Variants in EYA2 observed in about 807,000 individuals in gnomAD.
The protein encoded by EYA2 is EYA transcriptional coactivator and phosphatase 2, also known as protein phosphatase EYA2.
In EYA2, 31 loss-of-function variants were observed where a neutral mutation model predicts 69.2. The ratio of observed to expected loss-of-function variants is 0.45; its 90% confidence interval spans 0.34 to 0.60. The LOEUF is 0.60. Ranked by LOEUF, EYA2 falls within the 20% of genes least tolerant of loss-of-function variation. EYA2 has a pLI of 0.02. For missense variants in EYA2, 622 were observed against 701.2 expected (o/e 0.89, Z 1.28); for synonymous variants, 257 against 279.4 (o/e 0.92, Z 0.80).
chr20:47,071,074 G>A lies in EYA2; in HGVS notation c.416-1111G>A, dbSNP rs185475091. ...CCCAGAGCTGGAGTGCAGTGGCACA[G>A]TCTTGGCTCGCTGCTACCTCCGCCT... On this transcript the variant is annotated intron_variant, in intron 5 of 15. Transcript: ENST00000327619. Among the ~76,000 whole-genome samples, 421 of 152,072 alleles carry A rather than the reference G, an allele frequency of 2.8e-3. 1 individual carries two copies. The highest frequency in any genetic ancestry group is 9.5e-3 in the African/African-American group (396 of 41,476).
At chr20:47,082,817 A>G (rs931008515) in intron 7 of EYA2, among the ~76,000 whole-genome samples, 1 of 152,238 alleles carries the variant, frequency 6.6e-6, no homozygotes, top group Non-Finnish European at 1.5e-5. Context: ...CCTGATTTTA[A>G]AATCCATTTT....
At chr20:46,986,448 GTA>G (rs1027616182) in intron 1 of EYA2, among the ~76,000 whole-genome samples, 22 of 17,900 alleles carry the variant, frequency 1.2e-3, no homozygotes, top group African/African-American at 1.8e-3. Flanking sequence ...TATCTAATGT[GTA>G]TATATATACA....
intron 2 of EYA2, among the ~76,000 whole-genome samples, chr20:46,994,847 G>A (rs924441736): frequency 6.6e-6 from 1 of 151,874 alleles, no homozygotes; most frequent in African/African-American, 2.4e-5. Context: ...TCATAGTCTC[G>A]AGCCACTTTC....
At chr20:46,951,365 A>G (rs1286392569) in intron 1 of EYA2, among the ~76,000 whole-genome samples, 1 of 152,100 alleles carries the variant, frequency 6.6e-6, no homozygotes, top group Admixed American at 6.5e-5. Context: ...AGCTTATCCT[A>G]GCGTCTGTGC....
At chr20:47,161,978 G>A (rs527446008) in intron 10 of EYA2, among the ~76,000 whole-genome samples, 2 of 152,266 alleles carry the variant, frequency 1.3e-5, no homozygotes, top group East Asian at 3.9e-4. Flanking sequence ...TTCATGAGAC[G>A]AGAAGTCCAA....
chr20:47,171,830 G>A (rs919794256), intron 11 of EYA2, among the ~76,000 whole-genome samples: 11 of 152,140 alleles, frequency 7.2e-5, no homozygotes, highest in African/African-American at 2.4e-4. Context: ...AGTGGCTCAC[G>A]CCTGTAATCC....
intron 5 of EYA2, among the ~76,000 whole-genome samples, chr20:47,038,115 TG>T (rs370624083): frequency 8.0e-4 from 122 of 152,260 alleles, no homozygotes; most frequent in African/African-American, 2.9e-3. Flanking sequence ...GTGTTTCTGA[TG>T]GTGATGGATT....
At chr20:46,950,753 G>A (rs1978746316) in intron 1 of EYA2, among the ~76,000 whole-genome samples, 2 of 152,218 alleles carry the variant, frequency 1.3e-5, no homozygotes, top group Non-Finnish European at 2.9e-5. Flanking sequence ...CTTTATGTGT[G>A]TTGAGAGGCA....
intron 8 of EYA2, 52 bp from the exon 9 acceptor site, chr20:47,097,033 C>A: frequency 1.5e-6 from 2 of 1,306,724 alleles, no homozygotes; most frequent in South Asian, 1.2e-5. Context: ...GACATTAAGT[C>A]AGATGCACGT....
At chr20:47,030,537 G>GGA (rs3085559) in intron 5 of EYA2, among the ~76,000 whole-genome samples, 100,043 of 151,940 alleles carry the variant, frequency 0.66, 35,481 homozygotes, top group Non-Finnish European at 0.8. Flanking sequence ...TATATCCCAG[G>GGA]GAGGATACAG....
At chr20:47,089,540 T>C (rs949481) in intron 8 of EYA2, among the ~76,000 whole-genome samples, 159 bp downstream of exon 8, 135,845 of 152,232 alleles carry the variant, frequency 0.89, 61,699 homozygotes, top group Non-Finnish European at 0.98. Flanking sequence ...AAGCAGGTAG[T>C]CCTGGGGCCA....
At chr20:47,033,039 G>T (rs986887242) in intron 5 of EYA2, among the ~76,000 whole-genome samples, 10 of 152,136 alleles carry the variant, frequency 6.6e-5, no homozygotes, top group Non-Finnish European at 1.2e-4. Context: ...TGCTACTCCA[G>T]CCCTAAACTG....
At chr20:47,123,916 C>G (rs2146563492) in intron 9 of EYA2, among the ~76,000 whole-genome samples, 1 of 150,948 alleles carries the variant, frequency 6.6e-6, no homozygotes, top group East Asian at 2.0e-4. Context: ...CACTTGAACC[C>G]AAGAGGCAGA....
At chr20:46,947,972 C>G (rs531687280) in intron 1 of EYA2, among the ~76,000 whole-genome samples, 12 of 152,030 alleles carry the variant, frequency 7.9e-5, no homozygotes, top group Admixed American at 5.2e-4. Context: ...TTAAAACTAG[C>G]CTTGCATGGT....
At chr20:47,051,844 T>C (rs113149432) in intron 5 of EYA2, among the ~76,000 whole-genome samples, 84 of 152,158 alleles carry the variant, frequency 5.5e-4, no homozygotes, top group African/African-American at 1.9e-3. Flanking sequence ...GACCTTGCTC[T>C]GTTGTTTTCC....
chr20:46,939,799 A>G (rs1242236140), intron 1 of EYA2, among the ~76,000 whole-genome samples: 1 of 152,214 alleles, frequency 6.6e-6, no homozygotes, highest in Non-Finnish European at 1.5e-5. Flanking sequence ...TTGCTCATCC[A>G]TGGAAGTTCA....
chr20:47,032,032 G>GAAATAC (rs1984446621), intron 5 of EYA2, among the ~76,000 whole-genome samples: 1 of 152,144 alleles, frequency 6.6e-6, no homozygotes, highest in African/African-American at 2.4e-5. Flanking sequence ...AGGGGTAGGG[G>GAAATAC]AAATACAGCC....
rs1471848679 is a variant in EYA2, at chr20:47,181,053, A to G, written c.1435+117A>G. 6 of 1,397,966 alleles carry G rather than the reference A, an allele frequency of 4.3e-6. No homozygotes were observed. The East Asian group carries it at 1.2e-4, about 27-fold the overall frequency. The allele number at this position is 1,397,966 out of a possible 1,614,324, so 86.6% of individuals were successfully genotyped here. ...CCACAGAAATGGATGGAGTGTGCCT[A>G]TGGCCATGACTCAGATTCCCAAAAC... On this transcript the variant is annotated intron_variant, in intron 14 of 15. Coordinates refer to ENST00000327619, the MANE Select transcript of EYA2 (RefSeq NM_005244.5).
intron 4 of EYA2, among the ~76,000 whole-genome samples, chr20:47,008,416 G>A (rs959196248): frequency 2.6e-5 from 4 of 152,178 alleles, no homozygotes; most frequent in Non-Finnish European, 4.4e-5. Context: ...TGTAAATCCC[G>A]GGGGATTACC....
Sources: gnomAD v4.1 joint callset for allele counts (sites outside exome capture counted in the v4.1 genomes callset) on GRCh38, gnomAD v4.1.1 for gene constraint, MANE v1.5 for transcripts, NCBI Gene and HGNC (gene_info 2026-07-23, HGNC 2026-07-21) for gene names.